The following MGAT5B variants were observed in gnomAD, a reference collection of about 807,000 sequenced individuals.
The protein encoded by MGAT5B is alpha-1,6-mannosylglycoprotein 6-beta-N-acetylglucosaminyltransferase B.
MGAT5B carries 54 observed loss-of-function variants against 95.1 expected under a neutral mutation model. The ratio of observed to expected loss-of-function variants is 0.57; its 90% CI spans 0.46 to 0.71. The LOEUF is 0.71. Among genes scored for constraint, MGAT5B ranks in the 30% least tolerant of loss-of-function variants. MGAT5B has a pLI of 0.00. For missense variants in MGAT5B, 935 were observed against 1,088.6 expected, an observed-to-expected ratio of 0.86 and a Z score of 1.99; for synonymous variants, 464 against 451.0, an observed-to-expected ratio of 1.03 and a Z score of -0.36.
At position 76,889,283 on chromosome 17, in the gene MGAT5B, G is replaced by T. The variant is rs1967783202; in HGVS notation, c.329+6985G>T. ...CTTGGGACCCAGGCAGGCTCTTGAG[G>T]TCACAGTGCCCATGGGAGGTGACTG... is the stretch of plus-strand genomic sequence containing the variant. On this transcript the variant is annotated intron_variant, in intron 3 of 17. Coordinates refer to ENST00000569840, the MANE Select transcript of MGAT5B (RefSeq NM_001199172.2). The surrounding 1 kb of genome is among the most constrained non-coding windows in gnomAD (Gnocchi z 4.4). 6.6e-6 allele frequency among the ~76,000 whole-genome samples: 1 copy of T among 152,154 alleles called. No homozygotes were observed. Among genetic ancestry groups the T allele is most frequent in the African/African-American group, 2.4e-5 (1 of 41,426 alleles).
chr17:76,907,322 A>G (rs1968569439), intron 8 of MGAT5B, among the ~76,000 whole-genome samples: 1 of 152,180 alleles, frequency 6.6e-6, no homozygotes, highest in African/African-American at 2.4e-5. Context: ...AAGTGTTGGG[A>G]TTACAGGCAT....
At position 76,904,355 on chromosome 17, in the gene MGAT5B, GC is replaced by G; in HGVS notation, c.629del (p.Pro210ArgfsTer34). 1.3e-6 allele frequency: 2 copies of G among 1,587,326 alleles called. No individual in the cohort carries two copies. The highest frequency in any genetic ancestry group is 2.3e-5 in the East Asian group (1 of 43,726). ...TACCTCAGTGAGGTCGAGTGGTTCTGCCCCCCGCTGCCCTGGAGGAACCAGA... is the reference window on the plus strand; with the variant it reads ...TACCTCAGTGAGGTCGAGTGGTTCTGCCCCCGCTGCCCTGGAGGAACCAGA... The part of the protein sequence containing the change: ...LIYLSEVEWF[C>X]PPLPWRNQTA... On this transcript the variant is annotated frameshift_variant, in exon 6 of 18. Coordinates refer to ENST00000569840, the MANE Select transcript of MGAT5B (RefSeq NM_001199172.2). LOFTEE classifies it high-confidence loss of function.
rs1000671574 is a variant in MGAT5B, at chr17:76,882,160, G to A, written c.191G>A (p.Gly64Asp). ...CACACTCTGCCCACAGTGATGGGGG[G>A]CCCCGAGTCCCGCGGCGTCCTGCGC... is the stretch of plus-strand genomic sequence containing the variant. ...PFTIRTEVMG[G>D]PESRGVLRKM... The change falls in exon 3 of 18, where the codon GGC (glycine) becomes GAC (aspartate). Residue 64 changes from glycine to aspartate, a missense_variant. Transcript: ENST00000569840. 3 of 1,610,250 alleles carry A rather than the reference G, an allele frequency of 1.9e-6. No individual in the cohort carries two copies. The highest frequency in any genetic ancestry group is 1.1e-5 in the South Asian group (1 of 90,516).
chr17:76,886,349 G>A (rs1384198956), intron 3 of MGAT5B, among the ~76,000 whole-genome samples: 1 of 152,198 alleles, frequency 6.6e-6, no homozygotes, highest in Non-Finnish European at 1.5e-5. Context: ...AGACCTGGGC[G>A]GCCTTGGGCT....
At chr17:76,908,990 AGAGACAGG>A (rs1968636460) in intron 8 of MGAT5B, among the ~76,000 whole-genome samples, 1 of 151,764 alleles carries the variant, frequency 6.6e-6, no homozygotes, top group Non-Finnish European at 1.5e-5. Flanking sequence ...TATTTTTAGT[AGAGACAGG>A]ATTTCACCAT....
intron 2 of MGAT5B, 61 bp downstream of exon 2, chr17:76,873,024 A>T: frequency 3.8e-6 from 6 of 1,574,790 alleles, no homozygotes; most frequent in Non-Finnish European, 5.2e-6. Flanking sequence ...TCAAAGAGGA[A>T]GTGCCTCTGA....
chr17:76,944,632 C>T (rs182853319), intron 15 of MGAT5B, among the ~76,000 whole-genome samples: 20 of 152,256 alleles, frequency 1.3e-4, no homozygotes, highest in African/African-American at 4.1e-4. Context: ...GCAGATTCTC[C>T]GGGACTTCGA....
intron 2 of MGAT5B, among the ~76,000 whole-genome samples, chr17:76,876,499 T>C (rs933471751): frequency 6.6e-6 from 1 of 151,102 alleles, no homozygotes; most frequent in Non-Finnish European, 1.5e-5. Flanking sequence ...CAAAACAATC[T>C]GTGTACAAAT....
chr17:76,908,823 TTGA>T (rs58860850), intron 8 of MGAT5B, among the ~76,000 whole-genome samples: 19,584 of 151,408 alleles, frequency 0.13, 1,574 homozygotes, highest in African/African-American at 0.21. Flanking sequence ...TTTTTTTTTT[TTGA>T]GATGGAGTCT....
chr17:76,935,345 C>T (rs1014483575), intron 12 of MGAT5B, among the ~76,000 whole-genome samples: 1 of 152,152 alleles, frequency 6.6e-6, no homozygotes, highest in African/African-American at 2.4e-5. Context: ...TTTGTAGAAA[C>T]ATATGCTTTC....
intron 15 of MGAT5B, 30 bp from the exon 16 acceptor site, chr17:76,946,346 G>T: frequency 1.9e-6 from 3 of 1,583,082 alleles, no homozygotes; most frequent in Admixed American, 3.5e-5. Context: ...GCCTTCTCCC[G>T]CCCCATGTGT....
At chr17:76,883,192 G>T (rs569554833) in intron 3 of MGAT5B, among the ~76,000 whole-genome samples, 1 of 151,828 alleles carries the variant, frequency 6.6e-6, no homozygotes, top group Non-Finnish European at 1.5e-5. Flanking sequence ...TAGAGATGGG[G>T]TTTCACCATG....
chr17:76,903,927 C>A (rs1429445897), intron 5 of MGAT5B, among the ~76,000 whole-genome samples: 1 of 152,226 alleles, frequency 6.6e-6, no homozygotes, highest in Non-Finnish European at 1.5e-5. Flanking sequence ...CAATCCTGCT[C>A]TGGTAGCAGG....
chr17:76,939,340 T>TACAA (rs779180362), intron 13 of MGAT5B, among the ~76,000 whole-genome samples: 11 of 151,610 alleles, frequency 7.3e-5, no homozygotes, highest in East Asian at 1.9e-4. Context: ...TCTACTAAAA[T>TACAA]ACAAACAAAC....
intron 2 of MGAT5B, among the ~76,000 whole-genome samples, chr17:76,880,275 G>T (rs934100300): frequency 2.0e-5 from 3 of 152,092 alleles, no homozygotes; most frequent in Non-Finnish European, 1.5e-5. Context: ...CTCCTGTTTT[G>T]CAGCCCTAGC....
At chr17:76,872,785 C>T (rs770478709) in intron 1 of MGAT5B, 66 bp from the exon 2 acceptor site, 44 of 1,613,646 alleles carry the variant, frequency 2.7e-5, no homozygotes, top group Middle Eastern at 1.6e-4. Flanking sequence ...GCAGCCGGTA[C>T]GTGGTGGAGC....
Position 76,869,835 on chromosome 17 carries a change from G to A in MGAT5B, c.68+738G>A, listed in dbSNP as rs1197501695. Among the ~76,000 whole-genome samples, 1 of 152,086 alleles carries A rather than the reference G, an allele frequency of 6.6e-6. No homozygotes were observed. Among genetic ancestry groups the A allele is most frequent in the East Asian group, 1.9e-4 (1 of 5,182 alleles). On this transcript the variant is annotated intron_variant, in intron 1 of 17. Transcript: ENST00000569840. The surrounding 1 kb of genome is among the most constrained non-coding windows in gnomAD (Gnocchi z 7.0). ...CACCTGGGGGCCCAGGCCAGGCAGG[G>A]CTGGGGCCGCGCGGGACTCACTGGA...
In MGAT5B at chr17:76,915,754, C is replaced by T. The variant is rs1488499457; in HGVS notation, c.1026-9212C>T. Reference sequence around the variant, plus strand: ...TCCAAGAGGAGGCACGAGAGGCCGACGATTACAATTCACTAAAAATCCCCG... The same window carrying T: ...TCCAAGAGGAGGCACGAGAGGCCGATGATTACAATTCACTAAAAATCCCCG... On this transcript the variant is annotated intron_variant, in intron 8 of 17. Coordinates refer to ENST00000569840, the MANE Select transcript of MGAT5B (RefSeq NM_001199172.2). The surrounding 1 kb of genome is among the most constrained non-coding windows in gnomAD (Gnocchi z 8.7). 2.6e-5 allele frequency among the ~76,000 whole-genome samples: 4 copies of T among 152,192 alleles called. No homozygotes were observed. The highest frequency in any genetic ancestry group is 6.5e-5 in the Admixed American group (1 of 15,270).
intron 15 of MGAT5B, 168 bp from the exon 16 acceptor site, chr17:76,946,208 G>C (rs542863858): frequency 1.8e-6 from 1 of 557,176 alleles, no homozygotes; most frequent in East Asian, 3.3e-5. Flanking sequence ...TGCGGGGAAC[G>C]GGGACTCTGA....
Sources: allele counts gnomAD v4.1 joint callset (sites outside exome capture counted in the v4.1 genomes callset), GRCh38; gene constraint gnomAD v4.1.1; non-coding constraint Gnocchi (gnomAD v3.1); transcripts MANE v1.5; gene names NCBI Gene and HGNC (gene_info 2026-07-23, HGNC 2026-07-21).